Variants in MAPK8IP3 observed in about 807,000 individuals in gnomAD.
MAPK8IP3 encodes C-Jun-amino-terminal kinase-interacting protein 3.
Under a neutral mutation model 157.8 loss-of-function variants are expected in MAPK8IP3, and 49 were observed. That is an observed-to-expected ratio of 0.31 (90% CI 0.25 to 0.39). The LOEUF is 0.39. Ranked by LOEUF, MAPK8IP3 falls within the 10% of genes least tolerant of loss-of-function variation. The pLI, the probability that MAPK8IP3 is intolerant of heterozygous loss-of-function variation, is 1.00. For missense variants in MAPK8IP3, 1,478 were observed against 1,889.4 expected (o/e 0.78, Z 4.04); for synonymous variants, 897 against 777.7 (o/e 1.15, Z -2.55).
At chr16:1,755,890 A>G (rs1340932069) in intron 8 of MAPK8IP3, among the ~76,000 whole-genome samples, 1 of 152,014 alleles carries the variant, frequency 6.6e-6, no homozygotes, top group African/African-American at 2.4e-5. Flanking sequence ...TTTATAGGCT[A>G]TACCAATAAA....
intron 4 of MAPK8IP3, among the ~76,000 whole-genome samples, chr16:1,740,901 A>G (rs2040634554): frequency 6.6e-6 from 1 of 152,206 alleles, no homozygotes; most frequent in South Asian, 2.1e-4. Context: ...GGTGGCGACC[A>G]CTGGGTCCCC....
At chr16:1,750,137 CT>C (rs1427573492) in intron 8 of MAPK8IP3, among the ~76,000 whole-genome samples, 14 of 152,100 alleles carry the variant, frequency 9.2e-5, no homozygotes, top group Admixed American at 7.9e-4. Flanking sequence ...CAGAAAAATC[CT>C]GCTAAATAGG....
intron 4 of MAPK8IP3, among the ~76,000 whole-genome samples, chr16:1,739,213 T>A (rs1213254456): frequency 7.8e-6 from 1 of 127,436 alleles, no homozygotes; most frequent in African/African-American, 3.0e-5. Context: ...TGAGCGTCCG[T>A]GTGAGCGTGT....
intron 4 of MAPK8IP3, among the ~76,000 whole-genome samples, chr16:1,730,197 G>T (rs1231815663): frequency 2.6e-5 from 4 of 152,128 alleles, no homozygotes; most frequent in Non-Finnish European, 4.4e-5. Context: ...GGGGCTGGAG[G>T]CTGCAGTGAT....
Position 1,706,268 on chromosome 16 carries a change from A to C in MAPK8IP3, c.-72A>C. ...GAGGCGACGGGCTGCGGCCTGCGGA[A>C]CCTGAGGCAGCTGGGGAGGGCCGGG... On this transcript the variant is annotated 5_prime_UTR_variant, in exon 1 of 32. Coordinates refer to ENST00000610761, the MANE Select transcript of MAPK8IP3 (RefSeq NM_001318852.2). The surrounding 1 kb of genome is among the most constrained non-coding windows in gnomAD (Gnocchi z 5.1). 1 of 1,376,814 alleles carries C rather than the reference A, an allele frequency of 7.3e-7. No homozygotes were observed. Among genetic ancestry groups the C allele is most frequent in the Non-Finnish European group, 9.5e-7 (1 of 1,047,638 alleles). The allele number at this position is 1,376,814 out of a possible 1,614,324, so 85.3% of individuals were successfully genotyped here.
At chr16:1,737,619 TGTG>T in intron 4 of MAPK8IP3, among the ~76,000 whole-genome samples, 1 of 92,722 alleles carries the variant, frequency 1.1e-5, no homozygotes, top group Admixed American at 1.1e-4. Context: ...CGTCCGTGTG[TGTG>T]ACCATCCATG....
chr16:1,706,213 G>GGCGGAGCCCTGAGGCGACA lies in MAPK8IP3; in HGVS notation c.-124_-106dup, dbSNP rs1567127626. 1.3e-5 allele frequency: 10 copies of GGCGGAGCCCTGAGGCGACA among 759,542 alleles called. No individual in the cohort carries two copies. Among genetic ancestry groups the GGCGGAGCCCTGAGGCGACA allele is most frequent in the Non-Finnish European group, 1.4e-5 (8 of 554,518 alleles). 47.1% of individuals were successfully genotyped at this position (759,542 alleles called of 1,614,324 possible). ...CGGGCGCAGCCTCGGCAGCGGCGGC[G>GGCGGAGCCCTGAGGCGACA]GCGGAGCCCTGAGGCGACAGCAGCT... On this transcript the variant is annotated 5_prime_UTR_variant, in exon 1 of 32. Transcript: ENST00000610761. This position sits in a 1 kb window ranked among gnomAD's most constrained non-coding sequence, Gnocchi z 5.1.
At chr16:1,740,897 G>A (rs185143861) in intron 4 of MAPK8IP3, among the ~76,000 whole-genome samples, 45 of 152,314 alleles carry the variant, frequency 3.0e-4, no homozygotes, top group African/African-American at 1.1e-3. Flanking sequence ...AGAAGGTGGC[G>A]ACCACTGGGT....
intron 1 of MAPK8IP3, among the ~76,000 whole-genome samples, chr16:1,716,202 G>A (rs1051504683): frequency 1.3e-5 from 2 of 151,792 alleles, no homozygotes; most frequent in African/African-American, 2.4e-5. Flanking sequence ...CAGTCACTGC[G>A]TTAACTTTGT....
intron 4 of MAPK8IP3, among the ~76,000 whole-genome samples, chr16:1,729,930 C>A (rs902568706): frequency 2.0e-5 from 3 of 151,222 alleles, no homozygotes; most frequent in African/African-American, 7.3e-5. Context: ...TGACCTCAGC[C>A]GGGCACAGTG....
intron 8 of MAPK8IP3, among the ~76,000 whole-genome samples, chr16:1,753,848 C>T (rs1157310031): frequency 6.6e-6 from 1 of 151,642 alleles, no homozygotes; most frequent in Non-Finnish European, 1.5e-5. Context: ...GAAATGTTAA[C>T]ATGAGGAAAA....
intron 12 of MAPK8IP3, 80 bp from the exon 13 acceptor site, chr16:1,761,144 C>A (rs747704185): frequency 8.1e-6 from 9 of 1,114,756 alleles, no homozygotes; most frequent in Non-Finnish European, 1.2e-5. Context: ...GACACAGGTT[C>A]GGGGCGGGCA....
rs2042312826 is a variant in MAPK8IP3, at chr16:1,767,061, T to C, written c.3089-88T>C. On this transcript the variant is annotated intron_variant, in intron 25 of 31. Transcript: ENST00000610761. ...GGCTCCCGGGGTTCCAGGCCTCTCC[T>C]TAGTCTGGCAGTGGGTGTCTCAACC... 2.5e-6 allele frequency: 4 copies of C among 1,580,966 alleles called. No individual in the cohort carries two copies. The Admixed American group carries it at 5.2e-5, about 20-fold the overall frequency.
rs1238501566 is a variant in MAPK8IP3, at chr16:1,769,523, C to A, written c.*699C>A. The A allele has an allele frequency of 6.5e-6, 1 of 152,844 alleles. No individual in the cohort carries two copies. Among genetic ancestry groups the A allele is most frequent in the Admixed American group, 6.5e-5 (1 of 15,312 alleles). 9.5% of individuals were successfully genotyped at this position (152,844 alleles called of 1,614,324 possible). A position where few individuals can be genotyped will look rare whatever the true frequency, so the allele number is the denominator to read the frequency against. ...TCCTGCCCATGCAGGCAGGCTCTTG[C>A]CAGCCCCGTTCTGACCCGTGTCCCC... is the stretch of plus-strand genomic sequence containing the variant. On this transcript the variant is annotated 3_prime_UTR_variant, in exon 32 of 32. Transcript: ENST00000610761.
Position 1,742,496 on chromosome 16 carries a change from C to T in MAPK8IP3, c.603-836C>T, listed in dbSNP as rs1427109953. ...GACGCCCCTCAGGCTCAGGCTCCGG[C>T]TGCAGCAGATGAGACGGGGTCAGTC... On this transcript the variant is annotated intron_variant, in intron 4 of 31. Transcript: ENST00000610761. The surrounding 1 kb of genome is among the most constrained non-coding windows in gnomAD (Gnocchi z 5.0). Among the ~76,000 whole-genome samples, 1 of 152,200 alleles carries T rather than the reference C, an allele frequency of 6.6e-6. No homozygotes were observed. The highest frequency in any genetic ancestry group is 2.4e-5 in the African/African-American group (1 of 41,444).
chr16:1,706,271 T>A lies in MAPK8IP3; in HGVS notation c.-69T>A. 2 of 1,401,686 alleles carry A rather than the reference T, an allele frequency of 1.4e-6. No homozygotes were observed. The highest frequency in any genetic ancestry group is 1.9e-6 in the Non-Finnish European group (2 of 1,068,626). 86.8% of individuals were successfully genotyped at this position (1,401,686 alleles called of 1,614,324 possible). The stretch of plus-strand genomic sequence containing the variant: ...GCGACGGGCTGCGGCCTGCGGAACC[T>A]GAGGCAGCTGGGGAGGGCCGGGCGC... On this transcript the variant is annotated 5_prime_UTR_variant, in exon 1 of 32. Transcript: ENST00000610761. This position sits in a 1 kb window ranked among gnomAD's most constrained non-coding sequence, Gnocchi z 5.1.
chr16:1,743,407 G>A lies in MAPK8IP3; in HGVS notation c.678G>A (p.Lys226=), dbSNP rs747019224. The A allele has an allele frequency of 6.2e-7, 1 of 1,609,910 alleles. No homozygotes were observed. Among genetic ancestry groups the A allele is most frequent in the Non-Finnish European group, 8.5e-7 (1 of 1,178,496 alleles). Residue 226 remains lysine (K), a synonymous_variant, in exon 5 of 32, where the codon AAG becomes AAA. Transcript: ENST00000610761. This position sits in a 1 kb window ranked among gnomAD's most constrained non-coding sequence, Gnocchi z 5.6. Reference sequence around the variant, plus strand: ...CGGTACGTGCACAGATCGGGGGCAAGCTCGTGCCTGCGGGGGACCACTGGC... The same window carrying A: ...CGGTACGTGCACAGATCGGGGGCAAACTCGTGCCTGCGGGGGACCACTGGC... ...DGTVRAQIGG[K]LVPAGDHWHL...
chr16:1,756,963 A>G (rs1006425496), intron 8 of MAPK8IP3, among the ~76,000 whole-genome samples: 1 of 152,198 alleles, frequency 6.6e-6, no homozygotes, highest in Admixed American at 6.5e-5. Flanking sequence ...TCTAGAAGGA[A>G]ACCTGAGAGG....
intron 4 of MAPK8IP3, 41 bp downstream of exon 4, chr16:1,729,619 C>T (rs922650041): frequency 2.6e-6 from 4 of 1,542,420 alleles, no homozygotes; most frequent in Admixed American, 3.9e-5. Flanking sequence ...CGGGGCGCGG[C>T]GGGGCGGAGG....
Sources: allele counts gnomAD v4.1 joint callset (sites outside exome capture counted in the v4.1 genomes callset), GRCh38; gene constraint gnomAD v4.1.1; non-coding constraint Gnocchi (gnomAD v3.1); transcripts MANE v1.5; gene names NCBI Gene and HGNC (gene_info 2026-07-23, HGNC 2026-07-21).